The following RNASEH2B variants were observed in gnomAD, a reference collection of about 807,000 sequenced individuals.
RNASEH2B encodes ribonuclease H2 subunit B.
A neutral mutation model predicts 45.0 loss-of-function variants in RNASEH2B; 36 were observed. That is an observed-to-expected ratio of 0.80 (90% CI 0.61 to 1.06). The LOEUF (loss-of-function observed/expected upper bound fraction) is 1.06. Ranked by LOEUF, RNASEH2B falls within the 50% of genes least tolerant of loss-of-function variation. The probability of loss-of-function intolerance (pLI) is 0.00; values close to 1 mark genes in which losing one functional copy is unlikely to be tolerated. For missense variants in RNASEH2B, 361 were observed against 360.3 expected, an observed-to-expected ratio of 1.00 and a Z score of -0.02; for synonymous variants, 119 against 125.7, an observed-to-expected ratio of 0.95 and a Z score of 0.35.
chr13:50,954,330 A>G, intron 10 of RNASEH2B: 1 of 488,778 alleles, frequency 2.0e-6, no homozygotes. Context: ...GATGATAAAA[A>G]TTAATAATTT....
chr13:50,931,975 C>T (rs537805819), intron 4 of RNASEH2B, among the ~76,000 whole-genome samples: 1 of 152,042 alleles, frequency 6.6e-6, no homozygotes, highest in Non-Finnish European at 1.5e-5. Flanking sequence ...CACACACACA[C>T]ACACACACTC....
chr13:50,909,850 G>C lies in RNASEH2B; in HGVS notation c.-227G>C, dbSNP rs564346046. ...TTCCCGTTGCCTGCGGCCACCGGCC[G>C]GCATTCAGAGCCCCTCGCCTGGCGC... On this transcript the variant is annotated 5_prime_UTR_variant, in exon 1 of 11. Coordinates refer to ENST00000336617, the MANE Select transcript of RNASEH2B (RefSeq NM_024570.4). The C allele has an allele frequency of 2.7e-5, 11 of 413,494 alleles. No individual in the cohort carries two copies. Among genetic ancestry groups the C allele is most frequent in the Non-Finnish European group, 4.7e-5 (11 of 232,586 alleles). The allele number at this position is 413,494 out of a possible 1,614,324, so 25.6% of individuals were successfully genotyped here.
intron 5 of RNASEH2B, chr13:50,937,514 AC>A (rs1187036165): frequency 6.6e-6 from 1 of 152,194 alleles, no homozygotes; most frequent in Non-Finnish European, 1.5e-5. Context: ...GGTGTGAGTC[AC>A]CATGCCCATT....
chr13:50,914,687 A>C (rs942697501), intron 1 of RNASEH2B, among the ~76,000 whole-genome samples: 1 of 152,212 alleles, frequency 6.6e-6, no homozygotes, highest in African/African-American at 2.4e-5. Context: ...CAGTTGGTGT[A>C]ATCAGGCTGT....
At chr13:50,915,566 A>G (rs1879691192) in intron 1 of RNASEH2B, 2 of 398,312 alleles carry the variant, frequency 5.0e-6, no homozygotes, top group Non-Finnish European at 8.9e-6. Context: ...AACACCTAAT[A>G]CATGCCAGGA....
In RNASEH2B at chr13:50,953,926, C is replaced by G. The variant is rs747450548; in HGVS notation, c.763C>G (p.Pro255Ala). Residue 255 changes from proline (P) to alanine (A), a missense_variant, in exon 10 of 11, where the codon CCT (proline) becomes GCT (alanine). Coordinates refer to ENST00000336617, the MANE Select transcript of RNASEH2B (RefSeq NM_024570.4). The stretch of plus-strand genomic sequence containing the variant: ...GCAGAAAATAAAGTTATCAGATGAG[C>G]CTGTAGAAGCAAAAGAAGATTACAC... The part of the protein sequence containing the change: ...PSKKIKLSDE[P>A]VEAKEDYTKF... 67 of 1,605,174 alleles carry G rather than the reference C, an allele frequency of 4.2e-5. No individual in the cohort carries two copies. The East Asian group carries it at 1.5e-3, about 35-fold the overall frequency.
chr13:50,912,946 A>G (rs1419736901), intron 1 of RNASEH2B: 4 of 152,204 alleles, frequency 2.6e-5, no homozygotes, highest in African/African-American at 9.6e-5. Context: ...ACTGTGTTAT[A>G]TCTTGAAGGA....
At chr13:50,928,455 C>T (rs1051435907) in intron 2 of RNASEH2B, 6 of 152,152 alleles carry the variant, frequency 3.9e-5, no homozygotes, top group African/African-American at 1.4e-4. Context: ...AATATTTCTT[C>T]AAGAGAAGTT....
At chr13:50,956,172 T>C (rs928667843) in intron 10 of RNASEH2B, 186 bp from the exon 11 acceptor site, 3 of 555,034 alleles carry the variant, frequency 5.4e-6, no homozygotes, top group Non-Finnish European at 9.8e-6. Context: ...TCTTTTAACA[T>C]ATTCTGTCTC....
intron 9 of RNASEH2B, among the ~76,000 whole-genome samples, chr13:50,964,203 TAA>T (rs905856630): frequency 6.6e-6 from 1 of 151,640 alleles, no homozygotes; most frequent in African/African-American, 2.4e-5. Context: ...CATCTCAAAA[TAA>T]AAAAAAGAGT....
intron 1 of RNASEH2B, among the ~76,000 whole-genome samples, chr13:50,921,830 A>C (rs1189933679): frequency 6.6e-6 from 1 of 152,200 alleles, no homozygotes; most frequent in Admixed American, 6.5e-5. Flanking sequence ...AATCTTCTGA[A>C]TCTTATTAGG....
rs41292768 is a variant in RNASEH2B, at chr13:50,934,831, T to G, written c.322-54T>G. 0.028 allele frequency: 34,640 copies of G among 1,245,142 alleles called. 612 individuals are homozygous for G. The highest frequency in any genetic ancestry group is 0.052 in the South Asian group (4,151 of 79,396). The allele number at this position is 1,245,142 out of a possible 1,614,324, so 77.1% of individuals were successfully genotyped here. On this transcript the variant is annotated intron_variant, in intron 4 of 10. Coordinates refer to ENST00000336617, the MANE Select transcript of RNASEH2B (RefSeq NM_024570.4). ...GTTAATGTGTCTTTTTCTCTTTTTT[T>G]CTGAATGTCTTTGTTGAATGAAATG...
rs1223516700 is a variant in RNASEH2B at position 50,943,376 on chromosome 13, A to G, written c.492A>G (p.Leu164=). The change falls in exon 6 of 11, where the codon TTA becomes TTG. Residue 164 remains leucine, a synonymous_variant. Transcript: ENST00000336617. ...ACAAGTACAGCAAAGAGAAGACATT[A>G]AAGTGGCTGGAAAAAAAGGTATAGT... The part of the protein sequence containing the change: ...KYYKYSKEKT[L]KWLEKKVNQT... 5 of 1,606,440 alleles carry G rather than the reference A, an allele frequency of 3.1e-6. No individual in the cohort carries two copies. Among genetic ancestry groups the G allele is most frequent in the South Asian group, 1.1e-5 (1 of 90,926 alleles).
At chr13:50,911,811 C>G (rs1252352030) in intron 1 of RNASEH2B, 1 of 152,212 alleles carries the variant, frequency 6.6e-6, no homozygotes, top group African/African-American at 2.4e-5. Context: ...TCTAATCATT[C>G]TTTCAGAATC....
intron 3 of RNASEH2B, among the ~76,000 whole-genome samples, chr13:50,929,903 G>C (rs934796289): frequency 6.6e-6 from 1 of 152,132 alleles, no homozygotes; most frequent in Non-Finnish European, 1.5e-5. Flanking sequence ...CTCTTTTGAG[G>C]ATCTTTGTGT....
At chr13:50,920,528 T>TA (rs753327194) in intron 1 of RNASEH2B, among the ~76,000 whole-genome samples, 12 of 152,364 alleles carry the variant, frequency 7.9e-5, no homozygotes, top group Admixed American at 5.9e-4. Flanking sequence ...TTATTAAACC[T>TA]AAAATGGCCA....
At chr13:50,966,185 C>T (rs1952163026) in intron 9 of RNASEH2B, among the ~76,000 whole-genome samples, 1 of 152,194 alleles carries the variant, frequency 6.6e-6, no homozygotes. Context: ...CATATACACA[C>T]ATAACACACA....
intron 1 of RNASEH2B, among the ~76,000 whole-genome samples, chr13:50,924,948 T>A (rs1951572747): frequency 6.6e-6 from 1 of 152,236 alleles, no homozygotes; most frequent in African/African-American, 2.4e-5. Context: ...GATTTGTAGT[T>A]TTCATCAAAT....
chr13:50,917,520 T>C (rs1057028368), intron 1 of RNASEH2B, among the ~76,000 whole-genome samples: 3 of 152,258 alleles, frequency 2.0e-5, no homozygotes, highest in African/African-American at 7.2e-5. Flanking sequence ...TTCTAGCTGT[T>C]ATAACTTTGC....
Sources: gnomAD v4.1 joint callset for allele counts (sites outside exome capture counted in the v4.1 genomes callset) on GRCh38, gnomAD v4.1.1 for gene constraint, MANE v1.5 for transcripts, NCBI Gene and HGNC (gene_info 2026-07-23, HGNC 2026-07-21) for gene names.